Variants in GALNT13 observed in about 807,000 individuals in gnomAD.
The protein encoded by GALNT13 is UDP-GalNAc:polypeptide N-acetylgalactosaminyltransferase 13.
GALNT13 carries 28 observed loss-of-function variants against 64.2 expected under a neutral mutation model. The observed-to-expected ratio is 0.44, with a 90% CI of 0.32 to 0.60. The LOEUF is 0.60. Among genes scored for constraint, GALNT13 ranks in the 20% least tolerant of loss-of-function variants. The probability of loss-of-function intolerance (pLI) is 0.05; values close to 1 mark genes in which losing one functional copy is unlikely to be tolerated. For synonymous variants in GALNT13, 214 were observed against 224.6 expected (o/e 0.95, Z 0.42); for missense variants, 577 against 669.8 (o/e 0.86, Z 1.53).
chr2:154,240,216 G>A (rs1393537797), intron 4 of GALNT13, among the ~76,000 whole-genome samples: 3 of 152,140 alleles, frequency 2.0e-5, no homozygotes, highest in Non-Finnish European at 4.4e-5. Flanking sequence ...TGTTAAATTT[G>A]GGATCACCAC....
intron 3 of GALNT13, among the ~76,000 whole-genome samples, chr2:153,952,977 T>G (rs1692302367): frequency 6.6e-6 from 1 of 152,176 alleles, no homozygotes; most frequent in South Asian, 2.1e-4. Flanking sequence ...CTCTGCCTGC[T>G]TTTATCCTAA....
chr2:153,628,974 C>T, the GALNT13 span, among the ~76,000 whole-genome samples: 1 of 152,042 alleles, frequency 6.6e-6, no homozygotes, highest in Admixed American at 6.6e-5. Flanking sequence ...TCTGTCTGGT[C>T]CTGGACTCTT....
the GALNT13 span, among the ~76,000 whole-genome samples, chr2:153,243,888 T>C: frequency 6.6e-6 from 1 of 152,126 alleles, no homozygotes; most frequent in East Asian, 1.9e-4. Context: ...ATCTGTTTAA[T>C]GGAAAATTGT....
chr2:153,703,896 C>T, the GALNT13 span, among the ~76,000 whole-genome samples: 1 of 152,076 alleles, frequency 6.6e-6, no homozygotes, highest in Admixed American at 6.6e-5. Context: ...GCAGTTTCTT[C>T]ACAGTAAAAT....
chr2:153,928,498 C>T (rs949244492), intron 2 of GALNT13, among the ~76,000 whole-genome samples: 8 of 152,098 alleles, frequency 5.3e-5, no homozygotes, highest in African/African-American at 1.9e-4. Flanking sequence ...TTTATATCTA[C>T]TTGAACATTC....
intron 4 of GALNT13, among the ~76,000 whole-genome samples, chr2:154,156,224 C>T (rs189635441): frequency 2.6e-5 from 4 of 152,038 alleles, no homozygotes; most frequent in East Asian, 3.9e-4. Flanking sequence ...GTTTTATCAT[C>T]ATACTATATA....
chr2:154,197,198 A>G (rs998972985), intron 4 of GALNT13, among the ~76,000 whole-genome samples: 1 of 152,168 alleles, frequency 6.6e-6, no homozygotes, highest in Non-Finnish European at 1.5e-5. Context: ...CCTGGGCAAC[A>G]AGAGTGAAAC....
In GALNT13 at chr2:153,974,956, C is replaced by A. The variant is rs79844856; in HGVS notation, c.142+30317C>A. On this transcript the variant is annotated intron_variant, in intron 3 of 12. Transcript: ENST00000392825. ...GTGATAAGTGGGAAACTTTCACAAT[C>A]TTGATTAGTGTATTATATGGGTAGC... Among the ~76,000 whole-genome samples, 1,020 of 151,992 alleles carry A rather than the reference C, an allele frequency of 6.7e-3. 45 individuals are homozygous for A. In the South Asian group the frequency reaches 0.094, roughly 14 times the overall value.
At chr2:153,797,074 A>G in the GALNT13 span, among the ~76,000 whole-genome samples, 1 of 152,228 alleles carries the variant, frequency 6.6e-6, no homozygotes, top group Non-Finnish European at 1.5e-5. Flanking sequence ...AAGAGTTAAT[A>G]ATGCATTTAA....
the GALNT13 span, among the ~76,000 whole-genome samples, chr2:153,412,274 T>A: frequency 6.6e-6 from 1 of 152,210 alleles, no homozygotes; most frequent in African/African-American, 2.4e-5. Context: ...TTGGGTTTTT[T>A]AATTTGGGGT....
the GALNT13 span, among the ~76,000 whole-genome samples, chr2:153,610,179 A>T: frequency 6.6e-6 from 1 of 152,208 alleles, no homozygotes; most frequent in East Asian, 1.9e-4. Flanking sequence ...GGCATATTAT[A>T]TAAAGTTAGT....
intron 3 of GALNT13, among the ~76,000 whole-genome samples, chr2:154,060,526 T>C (rs1457045141): frequency 2.0e-5 from 3 of 152,086 alleles, no homozygotes; most frequent in African/African-American, 7.2e-5. Flanking sequence ...TGGCTAATTT[T>C]TGTGTTTTTA....
At position 154,453,480 on chromosome 2, in the gene GALNT13, C is replaced by T. The variant is rs1401780468; in HGVS notation, c.*2929C>T. ...TGCTTTAGTGTTTTGTTCCCTCTGC[C>T]CCAGAGAGCTCCCCTTAGTGATCTC... On this transcript the variant is annotated 3_prime_UTR_variant, in exon 13 of 13. Transcript: ENST00000392825. 1 of 152,192 alleles carries T rather than the reference C, an allele frequency of 6.6e-6. No homozygotes were observed. Among genetic ancestry groups the T allele is most frequent in the Non-Finnish European group, 1.5e-5 (1 of 68,144 alleles). The allele number at this position is 152,192 out of a possible 1,614,324, so 9.4% of individuals were successfully genotyped here.
chr2:154,282,550 T>G (rs1387000402), intron 8 of GALNT13, among the ~76,000 whole-genome samples: 1 of 152,122 alleles, frequency 6.6e-6, no homozygotes, highest in Non-Finnish European at 1.5e-5. Context: ...TCAACCTCAT[T>G]CCCTCTTCTT....
intron 4 of GALNT13, among the ~76,000 whole-genome samples, chr2:154,234,709 A>G (rs540657669): frequency 2.0e-5 from 3 of 152,302 alleles, no homozygotes; most frequent in Middle Eastern, 3.4e-3. Context: ...ATGCAGAGAT[A>G]TGACTGGGGA....
At chr2:154,437,474 A>G in intron 11 of GALNT13, 1 of 1,144,484 alleles carries the variant, frequency 8.7e-7, no homozygotes, top group Admixed American at 3.0e-5. Context: ...TTCTGTTGAC[A>G]TTGCAAGGAG....
chr2:153,301,586 A>T, the GALNT13 span, among the ~76,000 whole-genome samples: 1 of 152,186 alleles, frequency 6.6e-6, no homozygotes, highest in South Asian at 2.1e-4. Context: ...TAAGAATACG[A>T]TATGTACATT....
intron 9 of GALNT13, among the ~76,000 whole-genome samples, chr2:154,371,268 C>T (rs969051564): frequency 1.3e-5 from 2 of 152,038 alleles, no homozygotes; most frequent in Admixed American, 6.6e-5. Flanking sequence ...ATTTCCAATG[C>T]CTGATCCCAT....
At chr2:153,474,214 A>T in the GALNT13 span, among the ~76,000 whole-genome samples, 1 of 152,226 alleles carries the variant, frequency 6.6e-6, no homozygotes, top group Non-Finnish European at 1.5e-5. Flanking sequence ...TTAAGAGAGA[A>T]CACGTTAAAC....
Sources: allele counts gnomAD v4.1 joint callset (sites outside exome capture counted in the v4.1 genomes callset), GRCh38; gene constraint gnomAD v4.1.1; transcripts MANE v1.5; gene names NCBI Gene and HGNC (gene_info 2026-07-23, HGNC 2026-07-21).